JPH3: variants seen among roughly 807,000 people sequenced by gnomAD.
JPH3 encodes junctophilin 3, also known as junctophilin-3.
A neutral mutation model predicts 59.6 loss-of-function variants in JPH3; 11 were observed. The ratio of observed to expected loss-of-function variants is 0.18; its 90% CI spans 0.12 to 0.31. JPH3 has a LOEUF of 0.31. JPH3 is among the 10% of genes least tolerant of loss of function. The pLI, the probability that JPH3 is intolerant of heterozygous loss-of-function variation, is 1.00. For missense variants in JPH3, 1,202 were observed against 1,105.7 expected (o/e 1.09, Z -1.24); for synonymous variants, 673 against 483.6 (o/e 1.39, Z -5.14).
At chr16:87,662,805 C>G (rs973169311) in intron 2 of JPH3, among the ~76,000 whole-genome samples, 4 of 152,250 alleles carry the variant, frequency 2.6e-5, no homozygotes, top group Non-Finnish European at 5.9e-5. Flanking sequence ...GTCTGTCTCC[C>G]TGTGAAATCC....
intron 4 of JPH3, chr16:87,695,123 G>C (rs1272670924): frequency 5.5e-6 from 2 of 361,366 alleles, no homozygotes; most frequent in African/African-American, 4.3e-5. Context: ...CCAGTCTCTG[G>C]GAGAGGAGCC....
At chr16:87,671,693 C>A (rs1317856597) in intron 2 of JPH3, among the ~76,000 whole-genome samples, 2 of 152,022 alleles carry the variant, frequency 1.3e-5, no homozygotes, top group Non-Finnish European at 2.9e-5. Context: ...GTGCTGGGGT[C>A]CCCCACCCCT....
At chr16:87,661,937 C>T (rs2032717540) in intron 2 of JPH3, among the ~76,000 whole-genome samples, 2 of 152,272 alleles carry the variant, frequency 1.3e-5, no homozygotes, top group Admixed American at 1.3e-4. Flanking sequence ...TACGCCACCA[C>T]TACTCCTGAG....
At chr16:87,635,095 C>T (rs1355626782) in intron 1 of JPH3, among the ~76,000 whole-genome samples, 1 of 152,152 alleles carries the variant, frequency 6.6e-6, no homozygotes, top group Non-Finnish European at 1.5e-5. Flanking sequence ...TGCCAGAACT[C>T]ATGGGTCGGG....
At chr16:87,683,125 T>C (rs954582412) in intron 2 of JPH3, among the ~76,000 whole-genome samples, 17 of 152,188 alleles carry the variant, frequency 1.1e-4, no homozygotes, top group African/African-American at 4.1e-4. Flanking sequence ...AGCCCTGGGT[T>C]CCCAAGTCAG....
intron 1 of JPH3, among the ~76,000 whole-genome samples, chr16:87,632,177 A>G (rs2031585041): frequency 6.6e-6 from 1 of 152,122 alleles, no homozygotes; most frequent in African/African-American, 2.4e-5. Flanking sequence ...TCTCTCCTGG[A>G]TAAAGTAATC....
chr16:87,671,158 G>T (rs2033004470), intron 2 of JPH3, among the ~76,000 whole-genome samples: 2 of 152,162 alleles, frequency 1.3e-5, no homozygotes, highest in Admixed American at 1.3e-4. Context: ...GAGACAATGG[G>T]GTATGTGCGG....
intron 2 of JPH3, among the ~76,000 whole-genome samples, chr16:87,647,622 C>G (rs1438564851): frequency 6.6e-6 from 1 of 152,184 alleles, no homozygotes; most frequent in Non-Finnish European, 1.5e-5. Context: ...ATGCGCACAA[C>G]TGGGGTCTTG....
chr16:87,635,318 G>T (rs947465707), intron 1 of JPH3, among the ~76,000 whole-genome samples: 1 of 152,178 alleles, frequency 6.6e-6, no homozygotes, highest in Non-Finnish European at 1.5e-5. Context: ...GGGACCCCGG[G>T]CTCCGAAACT....
At chr16:87,616,639 C>G (rs2030981113) in intron 1 of JPH3, among the ~76,000 whole-genome samples, 1 of 152,058 alleles carries the variant, frequency 6.6e-6, no homozygotes, top group Non-Finnish European at 1.5e-5. Flanking sequence ...GATCCGGTGT[C>G]CCCCTCATGT....
Position 87,681,379 on chromosome 16 carries a change from T to G in JPH3, c.1161-2763T>G, listed in dbSNP as rs57196589. 6.5e-3 allele frequency among the ~76,000 whole-genome samples: 617 copies of G among 94,392 alleles called. 4 individuals carry two copies. Among genetic ancestry groups the G allele is most frequent in the African/African-American group, 0.022 (516 of 23,382 alleles). The allele number at this position is 94,392 out of a possible 152,430, so 61.9% of individuals were successfully genotyped here. A position where few individuals can be genotyped will look rare whatever the true frequency, so the allele number is the denominator to read the frequency against. ...GTCAGGTGCGCGCGGTGGTGACAGTTCCGGGAGGTCAGGTGCGCGCGGTCG... is the reference window on the plus strand; with the variant it reads ...GTCAGGTGCGCGCGGTGGTGACAGTGCCGGGAGGTCAGGTGCGCGCGGTCG... On this transcript the variant is annotated intron_variant, in intron 2 of 4. Transcript: ENST00000284262.
chr16:87,619,438 C>T (rs1409962238), intron 1 of JPH3, among the ~76,000 whole-genome samples: 1 of 152,190 alleles, frequency 6.6e-6, no homozygotes, highest in East Asian at 1.9e-4. Context: ...CTGCAGGCTG[C>T]CTGCTCCGTT....
intron 2 of JPH3, among the ~76,000 whole-genome samples, chr16:87,677,115 T>C (rs976991971): frequency 1.0e-4 from 15 of 150,350 alleles, no homozygotes; most frequent in Non-Finnish European, 1.6e-4. Flanking sequence ...GCTGAGATCG[T>C]GCCACTGCAA....
intron 2 of JPH3, among the ~76,000 whole-genome samples, chr16:87,673,084 T>C (rs2033057670): frequency 6.6e-6 from 1 of 151,796 alleles, no homozygotes; most frequent in African/African-American, 2.4e-5. Context: ...AGGCGGAGGT[T>C]GCAGTGGGCC....
At chr16:87,645,061 C>A (rs751433028) in intron 2 of JPH3, 26 bp downstream of exon 2, 6 of 1,579,854 alleles carry the variant, frequency 3.8e-6, no homozygotes, top group South Asian at 2.3e-5. Context: ...GGCGGGGGGC[C>A]CTTCTTGGTG....
rs1004360105 is a variant in JPH3, at chr16:87,605,103, C to G, written c.382+1575C>G. 218 of 343,332 alleles carry G rather than the reference C, an allele frequency of 6.3e-4. 1 individual carries two copies. Among genetic ancestry groups the G allele is most frequent in the Non-Finnish European group, 1.6e-4 (27 of 165,444 alleles). The allele number at this position is 343,332 out of a possible 1,614,324, so 21.3% of individuals were successfully genotyped here. Reference sequence around the variant, plus strand: ...GTTTGGAGCCCAGGGGCTGCTATCACCCCCAGGCTCTGGCCAGGAGGCTCT... The same window carrying G: ...GTTTGGAGCCCAGGGGCTGCTATCAGCCCCAGGCTCTGGCCAGGAGGCTCT... On this transcript the variant is annotated intron_variant, in intron 1 of 4. Coordinates refer to ENST00000284262, the MANE Select transcript of JPH3 (RefSeq NM_020655.4).
intron 2 of JPH3, among the ~76,000 whole-genome samples, chr16:87,682,719 C>T (rs570378467): frequency 2.6e-5 from 4 of 152,314 alleles, no homozygotes; most frequent in South Asian, 2.1e-4. Flanking sequence ...AGTCAGGAAC[C>T]GTGAACAGGA....
At chr16:87,652,079 A>G (rs1400102033) in intron 2 of JPH3, among the ~76,000 whole-genome samples, 2 of 151,682 alleles carry the variant, frequency 1.3e-5, no homozygotes, top group Non-Finnish European at 2.9e-5. Flanking sequence ...GGTTCACGCC[A>G]TTCTCCTGCC....
At chr16:87,628,629 A>G (rs762265536) in intron 1 of JPH3, among the ~76,000 whole-genome samples, 17 of 152,164 alleles carry the variant, frequency 1.1e-4, no homozygotes, top group Non-Finnish European at 2.4e-4. Flanking sequence ...CGGTGTTGGC[A>G]TCTGTAAAAT....
Sources: allele counts gnomAD v4.1 joint callset (sites outside exome capture counted in the v4.1 genomes callset), GRCh38; gene constraint gnomAD v4.1.1; transcripts MANE v1.5; gene names NCBI Gene and HGNC (gene_info 2026-07-23, HGNC 2026-07-21).